MGAT4C: variants seen among roughly 807,000 people sequenced by gnomAD.
The protein encoded by MGAT4C is MGAT4 family member C.
MGAT4C carries 19 observed loss-of-function variants against 40.1 expected under a neutral mutation model. That is an observed-to-expected ratio of 0.47 (90% confidence interval 0.33 to 0.70). MGAT4C has a LOEUF of 0.70. Ranked by LOEUF, MGAT4C falls within the 30% of genes least tolerant of loss-of-function variation. The pLI, the probability that MGAT4C is intolerant of heterozygous loss-of-function variation, is 0.02. For synonymous variants in MGAT4C, 181 were observed against 187.1 expected, an observed-to-expected ratio of 0.97 and a Z score of 0.27; for missense variants, 491 against 563.2, an observed-to-expected ratio of 0.87 and a Z score of 1.30.
intron 1 of MGAT4C, among the ~76,000 whole-genome samples, chr12:86,198,695 T>C (rs967852666): frequency 1.3e-5 from 2 of 152,236 alleles, no homozygotes; most frequent in African/African-American, 4.8e-5. Context: ...ATGATGCTTT[T>C]CTGACAGTTG....
At chr12:86,058,410 A>G (rs1421098351) in intron 1 of MGAT4C, among the ~76,000 whole-genome samples, 3 of 152,138 alleles carry the variant, frequency 2.0e-5, no homozygotes, top group Non-Finnish European at 4.4e-5. Context: ...ACTCAATATT[A>G]TGCTAATAGT....
At chr12:86,135,964 A>G (rs920086201) in intron 1 of MGAT4C, among the ~76,000 whole-genome samples, 1 of 152,182 alleles carries the variant, frequency 6.6e-6, no homozygotes, top group African/African-American at 2.4e-5. Context: ...TAAGAGAAGA[A>G]AATAATTTTG....
intron 2 of MGAT4C, among the ~76,000 whole-genome samples, chr12:86,685,256 C>G (rs896202910): frequency 6.6e-6 from 1 of 152,148 alleles, no homozygotes; most frequent in Non-Finnish European, 1.5e-5. Flanking sequence ...CTGCATATGG[C>G]TAGCCAGTTT....
intron 3 of MGAT4C, among the ~76,000 whole-genome samples, chr12:86,416,677 G>C (rs1163689241): frequency 6.6e-6 from 1 of 152,062 alleles, no homozygotes; most frequent in African/African-American, 2.4e-5. Flanking sequence ...GGTTTTGGAT[G>C]AGCACATAAG....
At chr12:86,176,683 T>G (rs1434775095) in intron 1 of MGAT4C, among the ~76,000 whole-genome samples, 3 of 151,744 alleles carry the variant, frequency 2.0e-5, no homozygotes, top group Admixed American at 2.0e-4. Context: ...AGTTTAAGGA[T>G]ATTCTGATTT....
chr12:86,512,198 C>T (rs917338375), intron 2 of MGAT4C, among the ~76,000 whole-genome samples: 1 of 151,904 alleles, frequency 6.6e-6, no homozygotes, highest in African/African-American at 2.4e-5. Flanking sequence ...TCAGGGAAAT[C>T]CAAATCAAAC....
chr12:85,993,047 A>G (rs1886149948), intron 2 of MGAT4C, among the ~76,000 whole-genome samples: 1 of 152,196 alleles, frequency 6.6e-6, no homozygotes, highest in Non-Finnish European at 1.5e-5. Context: ...CAACTGCTCC[A>G]ATAACAGATG....
At chr12:86,661,100 T>C (rs186349044) in intron 2 of MGAT4C, among the ~76,000 whole-genome samples, 151 of 152,228 alleles carry the variant, frequency 9.9e-4, no homozygotes, top group African/African-American at 3.4e-3. Context: ...TAAGAAGACC[T>C]ACAGTCTCCC....
At position 86,711,096 on chromosome 12, in the gene MGAT4C, C is replaced by T. The variant is rs182213712; in HGVS notation, c.-229+16113G>A. ...CATATAGAGTACAGTGTACACTGGT[C>T]GGGTGACAGGTACACCAAAATCTCA... On this transcript the variant is annotated intron_variant, in intron 2 of 7. Transcript: ENST00000548651. 2.9e-4 allele frequency among the ~76,000 whole-genome samples: 44 copies of T among 152,092 alleles called. 1 individual carries two copies. The highest frequency in any genetic ancestry group is 3.4e-3 in the Middle Eastern group (1 of 294).
chr12:86,475,699 T>C (rs1592893221), intron 2 of MGAT4C, among the ~76,000 whole-genome samples: 1 of 152,152 alleles, frequency 6.6e-6, no homozygotes, highest in South Asian at 2.1e-4. Context: ...TTTATGTTAA[T>C]AGAAAAGCAG....
At chr12:86,664,371 AT>A (rs1446158270) in intron 2 of MGAT4C, among the ~76,000 whole-genome samples, 2 of 152,128 alleles carry the variant, frequency 1.3e-5, no homozygotes, top group East Asian at 1.9e-4. Context: ...GCTCAAAAAA[AT>A]GACTTAATTT....
chr12:86,098,982 G>C (rs991710113), intron 1 of MGAT4C, among the ~76,000 whole-genome samples: 2 of 151,390 alleles, frequency 1.3e-5, no homozygotes, highest in East Asian at 3.9e-4. Flanking sequence ...AAACTACTTA[G>C]AATAGTTAGA....
intron 1 of MGAT4C, among the ~76,000 whole-genome samples, chr12:86,760,320 G>C (rs1951380393): frequency 6.6e-6 from 1 of 151,518 alleles, no homozygotes; most frequent in Non-Finnish European, 1.5e-5. Context: ...CAAATCACTA[G>C]AAAAAACTAG....
At chr12:86,784,665 A>G (rs1187650687) in intron 1 of MGAT4C, among the ~76,000 whole-genome samples, 3 of 151,902 alleles carry the variant, frequency 2.0e-5, no homozygotes, top group Admixed American at 2.0e-4. Flanking sequence ...TCAGTAGGTA[A>G]AAGAAAAAAA....
intron 2 of MGAT4C, among the ~76,000 whole-genome samples, chr12:86,693,173 G>A (rs893728184): frequency 1.3e-5 from 2 of 152,200 alleles, no homozygotes; most frequent in Non-Finnish European, 2.9e-5. Context: ...CCCTCAGCAG[G>A]TGCAGCAGTT....
chr12:86,689,826 G>T (rs1021541974), intron 2 of MGAT4C, among the ~76,000 whole-genome samples: 12 of 152,174 alleles, frequency 7.9e-5, no homozygotes, highest in Non-Finnish European at 1.6e-4. Context: ...CTGTCCCATA[G>T]CAGAGCTCAA....
chr12:86,493,248 A>G lies in MGAT4C; in HGVS notation c.-228-57983T>C, dbSNP rs557946491. On this transcript the variant is annotated intron_variant, in intron 2 of 7. Transcript: ENST00000548651. ...GTGGAAGTCAGTGTGGCGATTCCTC[A>G]GGGATCTAGAACTAGAAATACCATT... 5.6e-4 allele frequency among the ~76,000 whole-genome samples: 84 copies of G among 151,336 alleles called. No individual in the cohort carries two copies. The South Asian group carries it at 0.017, about 30-fold the overall frequency.
intron 1 of MGAT4C, among the ~76,000 whole-genome samples, chr12:86,121,158 C>A (rs548510766): frequency 6.6e-6 from 1 of 151,924 alleles, no homozygotes; most frequent in South Asian, 2.1e-4. Context: ...GATTGAAGAT[C>A]AAATGAATGA....
At chr12:86,539,209 G>A (rs1029613460) in intron 2 of MGAT4C, among the ~76,000 whole-genome samples, 4 of 147,444 alleles carry the variant, frequency 2.7e-5, no homozygotes, top group African/African-American at 5.1e-5. Context: ...GGTGTATGAC[G>A]TTCCCCTTCC....
Sources: gnomAD v4.1 joint callset for allele counts (sites outside exome capture counted in the v4.1 genomes callset) on GRCh38, gnomAD v4.1.1 for gene constraint, MANE v1.5 for transcripts, NCBI Gene and HGNC (gene_info 2026-07-23, HGNC 2026-07-21) for gene names.